Variants in NUP160 observed in about 807,000 individuals in gnomAD.
NUP160 encodes the protein nuclear pore complex protein Nup160.
Under a neutral mutation model 196.9 loss-of-function variants are expected in NUP160, and 94 were observed. The ratio of observed to expected loss-of-function variants is 0.48; its 90% confidence interval spans 0.40 to 0.57. The LOEUF (loss-of-function observed/expected upper bound fraction) is 0.57, where lower values mean the gene tolerates loss of function less well. Among genes scored for constraint, NUP160 ranks in the 20% least tolerant of loss-of-function variants. The probability of loss-of-function intolerance (pLI) is 0.00; values close to 1 mark genes in which losing one functional copy is unlikely to be tolerated. For missense variants in NUP160, 1,638 were observed against 1,748.3 expected (o/e 0.94, Z 1.13); for synonymous variants, 605 against 619.7 (o/e 0.98, Z 0.35).
chr11:47,788,439 C>T (rs1012458055), intron 30 of NUP160, 62 bp downstream of exon 30: 1 of 1,546,328 alleles, frequency 6.5e-7, no homozygotes. Flanking sequence ...CATACACTGC[C>T]TGGACCTAAA....
At position 47,837,528 on chromosome 11, in the gene NUP160, T is replaced by C. The variant is rs758695632; in HGVS notation, c.827+17A>G. 11 of 1,608,630 alleles carry C rather than the reference T, an allele frequency of 6.8e-6. No homozygotes were observed. The Middle Eastern group carries it at 5.0e-4, about 73-fold the overall frequency. ...AAATTCTTGGGCCCTTTGATTTACCTGCCAGACACCACTCACCTGATAGCT... is the reference window on the plus strand; with the variant it reads ...AAATTCTTGGGCCCTTTGATTTACCCGCCAGACACCACTCACCTGATAGCT... On this transcript the variant is annotated intron_variant, in intron 5 of 35. Transcript: ENST00000378460.
intron 10 of NUP160, 109 bp from the exon 11 acceptor site, chr11:47,818,233 T>C: frequency 2.8e-6 from 2 of 702,192 alleles, no homozygotes; most frequent in Non-Finnish European, 5.1e-6. Context: ...CATTTTGCCC[T>C]TCTATATGTG....
rs529082809 is a variant in NUP160, at chr11:47,787,261, T to C, written c.3747-707A>G. ...CGCCACCTCTCCTGGCTAACTTTTG[T>C]ATTTTTAGTAGAGATGGGGTTTCGT... is the stretch of plus-strand genomic sequence containing the variant. On this transcript the variant is annotated intron_variant, in intron 31 of 35. Transcript: ENST00000378460. Among the ~76,000 whole-genome samples the C allele has an allele frequency of 2.4e-4, 37 of 152,046 alleles. No individual in the cohort carries two copies. The South Asian group carries it at 7.7e-3, about 32-fold the overall frequency.
intron 27 of NUP160, among the ~76,000 whole-genome samples, chr11:47,793,722 GTTTTTTTTTTTTTTTTTT>G (rs750497969): frequency 1.3e-4 from 11 of 87,692 alleles, no homozygotes; most frequent in African/African-American, 2.6e-4. Flanking sequence ...TAAGATATCT[GTTTTTTTTTTTTTTTTTT>G]TTTTTTTTTT....
chr11:47,837,203 C>T (rs2305983), intron 5 of NUP160, among the ~76,000 whole-genome samples: 45,939 of 152,068 alleles, frequency 0.3, 8,334 homozygotes, highest in African/African-American at 0.5. Context: ...CTCTACATAA[C>T]AATGGAAGAC....
intron 2 of NUP160, among the ~76,000 whole-genome samples, chr11:47,847,402 T>G (rs1237721370): frequency 6.6e-6 from 1 of 152,122 alleles, no homozygotes; most frequent in Non-Finnish European, 1.5e-5. Flanking sequence ...GAAAAGTGGG[T>G]CTACATCTAT....
rs756341589 is a variant in NUP160 at position 47,779,057 on chromosome 11, A to G, written c.*48T>C. 3.7e-6 allele frequency: 5 copies of G among 1,363,632 alleles called. No homozygotes were observed. The Admixed American group carries it at 6.7e-5, about 18-fold the overall frequency. 84.5% of individuals were successfully genotyped at this position (1,363,632 alleles called of 1,614,324 possible). On this transcript the variant is annotated 3_prime_UTR_variant, in exon 36 of 36. Transcript: ENST00000378460. ...ACAGGGTTCCTGTAGGGTAGTCTTA[A>G]GTCCTAAGAGGCACCAAGCGGTTAC...
At chr11:47,840,103 A>T in intron 3 of NUP160, 38 bp from the exon 4 acceptor site, 1 of 1,511,330 alleles carries the variant, frequency 6.6e-7, no homozygotes, top group Non-Finnish European at 9.2e-7. Context: ...ATTAAATCAA[A>T]ATAACCAGAA....
chr11:47,815,462 T>C lies in NUP160; in HGVS notation c.1686+17A>G, dbSNP rs751104718. ...AACTGTCTCAAGAAGGTCTTCTCTATGCTTTAGCTCACTTACTTTTTTCAG... is the reference window on the plus strand; with the variant it reads ...AACTGTCTCAAGAAGGTCTTCTCTACGCTTTAGCTCACTTACTTTTTTCAG... On this transcript the variant is annotated intron_variant, in intron 13 of 35. Transcript: ENST00000378460. 13 of 1,564,664 alleles carry C rather than the reference T, an allele frequency of 8.3e-6. No individual in the cohort carries two copies. The South Asian group carries it at 1.1e-4, about 13-fold the overall frequency.
chr11:47,812,339 A>G, exon 16 of NUP160: 2 of 1,614,126 alleles, frequency 1.2e-6, no homozygotes, highest in South Asian at 2.2e-5. Context: ...CTTCTGTTTC[A>G]TAATCCATTT....
intron 28 of NUP160, chr11:47,792,346 G>A: frequency 8.2e-6 from 2 of 243,012 alleles, no homozygotes; most frequent in South Asian, 1.6e-4. Context: ...AACAGTAACT[G>A]TAGACTGCAT....
At chr11:47,824,037 A>ATGTG (rs1565203450) in intron 7 of NUP160, among the ~76,000 whole-genome samples, 1 of 127,828 alleles carries the variant, frequency 7.8e-6, no homozygotes, top group African/African-American at 2.8e-5. Context: ...ATATATATAT[A>ATGTG]TATATATATA....
exon 27 of NUP160, chr11:47,797,825 A>G (rs780353991): frequency 6.2e-7 from 1 of 1,613,298 alleles, no homozygotes; most frequent in Non-Finnish European, 8.5e-7. Flanking sequence ...ACAGAAGTTC[A>G]TAGTAATTGT....
At chr11:47,837,675 C>T in intron 4 of NUP160, 52 bp from the exon 5 acceptor site, 2 of 1,371,844 alleles carry the variant, frequency 1.5e-6, no homozygotes, top group Non-Finnish European at 2.1e-6. Context: ...AACCCAAAGG[C>T]AAGAATGATG....
exon 27 of NUP160, chr11:47,797,872 T>C (rs1443350791): frequency 2.5e-6 from 4 of 1,611,732 alleles, no homozygotes; most frequent in Non-Finnish European, 3.4e-6. Flanking sequence ...CGTGACTCAA[T>C]TATTCCCACA....
intron 11 of NUP160, among the ~76,000 whole-genome samples, chr11:47,817,366 CAG>C (rs1434647557): frequency 1.7e-4 from 24 of 137,958 alleles, no homozygotes; most frequent in African/African-American, 6.0e-4. Context: ...TTTTTTGAGA[CAG>C]AGTCTCACTC....
At chr11:47,782,895 G>A (rs545250987) in intron 34 of NUP160, among the ~76,000 whole-genome samples, 178 bp downstream of exon 34, 117 of 152,312 alleles carry the variant, frequency 7.7e-4, no homozygotes, top group African/African-American at 2.8e-3. Flanking sequence ...CTGACCTCAG[G>A]TGATCTGTCT....
At chr11:47,846,883 G>A (rs1217269498) in intron 2 of NUP160, among the ~76,000 whole-genome samples, 3 of 152,160 alleles carry the variant, frequency 2.0e-5, no homozygotes, top group Admixed American at 6.5e-5. Context: ...CACAGTATCC[G>A]ATAGGTTTTC....
chr11:47,843,298 G>A (rs191766743), intron 2 of NUP160, among the ~76,000 whole-genome samples: 267 of 152,158 alleles, frequency 1.8e-3, no homozygotes, highest in African/African-American at 6.0e-3. Context: ...AGCAATTCCT[G>A]ACCAGGTCAT....
Sources: gnomAD v4.1 joint callset for allele counts (sites outside exome capture counted in the v4.1 genomes callset) on GRCh38, gnomAD v4.1.1 for gene constraint, MANE v1.5 for transcripts, NCBI Gene and HGNC (gene_info 2026-07-23, HGNC 2026-07-21) for gene names.